Variants in HERC4 observed in about 807,000 individuals in gnomAD.
HERC4 encodes the protein HECT and RLD domain containing E3 ubiquitin protein ligase 4, also known as probable E3 ubiquitin-protein ligase HERC4.
HERC4 carries 28 observed loss-of-function variants against 124.3 expected under a neutral mutation model. The observed-to-expected ratio is 0.23, with a 90% CI of 0.17 to 0.31. The LOEUF (loss-of-function observed/expected upper bound fraction) is 0.31, where lower values mean the gene tolerates loss of function less well. HERC4 is among the 10% of genes least tolerant of loss of function. The probability of loss-of-function intolerance (pLI) is 1.00; values close to 1 mark genes in which losing one functional copy is unlikely to be tolerated. For synonymous variants in HERC4, 407 were observed against 421.5 expected (o/e 0.97, Z 0.42); for missense variants, 713 against 1,229.3 (o/e 0.58, Z 6.28).
intron 8 of HERC4, among the ~76,000 whole-genome samples, chr10:68,022,123 C>T (rs1000711816): frequency 1.3e-5 from 2 of 152,082 alleles, no homozygotes; most frequent in Non-Finnish European, 2.9e-5. Flanking sequence ...GGTGGAAAGA[C>T]ATTAGAGACA....
intron 16 of HERC4, 29 bp from the exon 17 acceptor site, chr10:67,957,005 C>CTAAT: frequency 7.4e-7 from 1 of 1,342,428 alleles, no homozygotes; most frequent in Non-Finnish European, 1.0e-6. Flanking sequence ...CTTATTAGTA[C>CTAAT]AAGTTGATTT....
intron 15 of HERC4, among the ~76,000 whole-genome samples, chr10:67,984,539 C>T (rs749675774): frequency 2.6e-5 from 4 of 151,342 alleles, no homozygotes; most frequent in Non-Finnish European, 5.9e-5. Context: ...GTTGGGATGG[C>T]TAATAGATAA....
intron 15 of HERC4, among the ~76,000 whole-genome samples, chr10:67,967,081 C>T (rs1419396411): frequency 1.3e-5 from 2 of 152,324 alleles, no homozygotes; most frequent in East Asian, 1.9e-4. Flanking sequence ...GTCTCGATCT[C>T]CTGACCTTGT....
intron 19 of HERC4, among the ~76,000 whole-genome samples, chr10:67,948,569 T>C (rs984289572): frequency 6.6e-6 from 1 of 152,146 alleles, no homozygotes; most frequent in African/African-American, 2.4e-5. Context: ...CTCTACACTG[T>C]TGGTGGGAAG....
intron 9 of HERC4, chr10:67,992,891 C>A (rs887017848): frequency 9.8e-6 from 4 of 407,720 alleles, no homozygotes; most frequent in Middle Eastern, 6.7e-4. Context: ...CAAGCATAAG[C>A]AGCATTTGGT....
intron 4 of HERC4, among the ~76,000 whole-genome samples, chr10:68,041,081 A>C (rs2039743568): frequency 6.6e-6 from 1 of 152,178 alleles, no homozygotes; most frequent in Non-Finnish European, 1.5e-5. Context: ...CTTAATGTGT[A>C]GCGGCAATAT....
chr10:67,926,305 G>A (rs1300730365), intron 23 of HERC4, among the ~76,000 whole-genome samples: 1 of 151,982 alleles, frequency 6.6e-6, no homozygotes, highest in Admixed American at 6.6e-5. Flanking sequence ...GCTAAGGCAG[G>A]AGAATCGCTT....
chr10:67,939,645 T>C lies in HERC4; in HGVS notation c.2514A>G (p.Gln838=), dbSNP rs779304311. 7.5e-6 allele frequency: 12 copies of C among 1,602,560 alleles called. No individual in the cohort carries two copies. Among genetic ancestry groups the C allele is most frequent in the African/African-American group, 2.7e-5 (2 of 74,468 alleles). Residue 838 remains glutamine (Q), a synonymous_variant, in exon 21 of 25, where the codon CAA becomes CAG. Coordinates refer to ENST00000373700, the MANE Select transcript of HERC4 (RefSeq NM_015601.4). ...ELMPDVGRSM[Q]QLLDYPEDDI... is the part of the protein sequence containing the mutation. ...CATCTTCTGGATAATCCAGTAACTG[T>C]TGCATGCTTCTGCAAAATAATATAT...
chr10:67,940,073 G>A (rs1160119277), intron 20 of HERC4, among the ~76,000 whole-genome samples: 2 of 151,870 alleles, frequency 1.3e-5, no homozygotes, highest in Non-Finnish European at 2.9e-5. Context: ...GATTACAGGC[G>A]ACCGCCACCA....
chr10:68,069,898 C>T (rs373813896), intron 3 of HERC4: 2 of 409,274 alleles, frequency 4.9e-6, no homozygotes, highest in Non-Finnish European at 6.6e-6. Flanking sequence ...AAAAATTACC[C>T]GGGCATGGTG....
intron 4 of HERC4, chr10:68,039,646 C>T (rs1231496270): frequency 2.2e-6 from 3 of 1,355,204 alleles, no homozygotes; most frequent in African/African-American, 2.9e-5. Context: ...TTAGCAGGAT[C>T]CAATGCACCT....
At chr10:68,022,739 T>C (rs1284523341) in intron 8 of HERC4, among the ~76,000 whole-genome samples, 1 of 151,886 alleles carries the variant, frequency 6.6e-6, no homozygotes, top group Non-Finnish European at 1.5e-5. Context: ...AGACACTATC[T>C]ATAGAATACA....
intron 8 of HERC4, among the ~76,000 whole-genome samples, chr10:68,022,543 A>C (rs1564559026): frequency 6.6e-6 from 1 of 150,734 alleles, no homozygotes; most frequent in African/African-American, 2.4e-5. Context: ...AAATAAATAA[A>C]ATTCAAATAG....
At chr10:67,995,270 T>C (rs1222398875) in intron 9 of HERC4, 5 of 455,702 alleles carry the variant, frequency 1.1e-5, no homozygotes, top group East Asian at 7.0e-5. Flanking sequence ...TTTGTGGTGG[T>C]AGTAGGCATT....
At chr10:68,032,047 C>T (rs183657440) in intron 7 of HERC4, among the ~76,000 whole-genome samples, 461 of 152,176 alleles carry the variant, frequency 3.0e-3, no homozygotes, top group Middle Eastern at 0.01. Context: ...CCTCTGTGCC[C>T]GGACGTTAAT....
intron 21 of HERC4, among the ~76,000 whole-genome samples, chr10:67,938,720 TGGATCATGAGGTCA>T (rs1214020141): frequency 2.6e-5 from 4 of 151,454 alleles, no homozygotes; most frequent in Non-Finnish European, 5.9e-5. Context: ...CCGAGGCGGG[TGGATCATGAGGTCA>T]GGAGTTCGAG....
At chr10:68,013,492 A>G (rs1358032485) in intron 9 of HERC4, among the ~76,000 whole-genome samples, 1 of 152,208 alleles carries the variant, frequency 6.6e-6, no homozygotes, top group Non-Finnish European at 1.5e-5. Context: ...AAACACTACT[A>G]TATGATTCCA....
chr10:67,968,707 C>T lies in HERC4; in HGVS notation c.1807-1905G>A, dbSNP rs553504312. ...CTACTCTTACAGTAAGAGTTCAAAACAAGCATTTCCAGAGGAAAAGGGGCA... is the reference window on the plus strand; with the variant it reads ...CTACTCTTACAGTAAGAGTTCAAAATAAGCATTTCCAGAGGAAAAGGGGCA... On this transcript the variant is annotated intron_variant, in intron 15 of 24. Transcript: ENST00000373700. 5.9e-5 allele frequency among the ~76,000 whole-genome samples: 9 copies of T among 151,440 alleles called. 1 individual carries two copies. In the South Asian group the frequency reaches 1.7e-3, roughly 28 times the overall value.
chr10:67,959,025 A>ATTTTTTTTTT, intron 16 of HERC4: 1 of 1,124,368 alleles, frequency 8.9e-7, no homozygotes, highest in South Asian at 1.6e-5. Context: ...TAACCACACC[A>ATTTTTTTTTT]AAAAAACGAA....
Sources: allele counts gnomAD v4.1 joint callset (sites outside exome capture counted in the v4.1 genomes callset), GRCh38; gene constraint gnomAD v4.1.1; transcripts MANE v1.5; gene names NCBI Gene and HGNC (gene_info 2026-07-23, HGNC 2026-07-21).